LRRC27: variants seen among roughly 807,000 people sequenced by gnomAD.
The protein encoded by LRRC27 is leucine rich repeat containing 27.
A neutral mutation model predicts 55.0 loss-of-function variants in LRRC27; 57 were observed. The observed-to-expected ratio is 1.04, with a 90% CI of 0.84 to 1.29. The LOEUF (loss-of-function observed/expected upper bound fraction) is 1.29, where lower values mean the gene tolerates loss of function less well. Ranked by LOEUF, LRRC27 falls within the 50% of genes most tolerant of loss-of-function variation. The pLI, the probability that LRRC27 is intolerant of heterozygous loss-of-function variation, is 0.00. For synonymous variants in LRRC27, 278 were observed against 251.9 expected (o/e 1.10, Z -0.98); for missense variants, 721 against 651.5 (o/e 1.11, Z -1.16).
At position 132,364,482 on chromosome 10, in the gene LRRC27, C is replaced by CTT. The variant is rs1491423621; in HGVS notation, c.1290-942_1290-941insTT. Among the ~76,000 whole-genome samples, 20 of 147,480 alleles carry CTT rather than the reference C, an allele frequency of 1.4e-4. 3 individuals carry two copies. The highest frequency in any genetic ancestry group is 4.0e-4 in the East Asian group (2 of 5,056). On this transcript the variant is annotated intron_variant, in intron 9 of 10. Transcript: ENST00000368614. ...ACACCCACCCACACTTACACCCACC[C>CTT]ACACTTACACCCACCCTTACATCTA...
At chr10:132,334,348 G>A (rs1416721853) in intron 2 of LRRC27, among the ~76,000 whole-genome samples, 2 of 152,208 alleles carry the variant, frequency 1.3e-5, no homozygotes, top group Non-Finnish European at 2.9e-5. Context: ...CATTTATTGT[G>A]AAAATGAATA....
chr10:132,364,079 C>A (rs866746009), intron 9 of LRRC27, among the ~76,000 whole-genome samples: 1 of 152,036 alleles, frequency 6.6e-6, no homozygotes, highest in Non-Finnish European at 1.5e-5. Flanking sequence ...CCCCATCACC[C>A]TGGGCACAGT....
rs2069407054 is a variant in LRRC27 at position 132,381,241 on chromosome 10, T to G, written c.*5999T>G. Among the ~76,000 whole-genome samples, 1 of 152,256 alleles carries G rather than the reference T, an allele frequency of 6.6e-6. No homozygotes were observed. The highest frequency in any genetic ancestry group is 2.4e-5 in the African/African-American group (1 of 41,472). On this transcript the variant is annotated 3_prime_UTR_variant, in exon 11 of 11. Coordinates refer to ENST00000368614, the MANE Select transcript of LRRC27 (RefSeq NM_030626.3). ...TCTTCTGGCCTTCATCTCTCTCCCATGCTGGATGCTTCCTGCCCTTGAACA... is the reference window on the plus strand; with the variant it reads ...TCTTCTGGCCTTCATCTCTCTCCCAGGCTGGATGCTTCCTGCCCTTGAACA...
At chr10:132,338,866 T>C (rs2067256134) in intron 3 of LRRC27, among the ~76,000 whole-genome samples, 1 of 152,054 alleles carries the variant, frequency 6.6e-6, no homozygotes, top group African/African-American at 2.4e-5. Flanking sequence ...CCCGCCACCA[T>C]GCCCGGCTAA....
intron 4 of LRRC27, among the ~76,000 whole-genome samples, chr10:132,343,012 A>G (rs901631018): frequency 1.3e-5 from 2 of 152,246 alleles, no homozygotes; most frequent in African/African-American, 4.8e-5. Context: ...TCATTAGTTT[A>G]AAAGAACAGT....
chr10:132,333,829 C>G (rs755685132), intron 2 of LRRC27, 95 bp downstream of exon 2: 1 of 932,810 alleles, frequency 1.1e-6, no homozygotes, highest in Non-Finnish European at 1.6e-6. Context: ...GCTTCTTTCT[C>G]TTTGGAATTG....
In LRRC27 at chr10:132,347,966, G is replaced by A. The variant is rs550419885; in HGVS notation, c.554-18G>A. On this transcript the variant is annotated intron_variant, in intron 5 of 10. Transcript: ENST00000368614. ...TGGCGTTGATGGTAGCTACTAAAGC[G>A]GTTTCTTACTCTCCCAGAGGCTCCA... 15 of 1,573,324 alleles carry A rather than the reference G, an allele frequency of 9.5e-6. No individual in the cohort carries two copies. Among genetic ancestry groups the A allele is most frequent in the East Asian group, 2.2e-5 (1 of 44,492 alleles).
At position 132,348,234 on chromosome 10, in the gene LRRC27, G is replaced by T. The variant is rs763883097; in HGVS notation, c.804G>T (p.Glu268Asp). ...GGCGCTTTTGGAAGCTGAGGCAGGA[G>T]ATTGTTGAGCACGTGAAGGCAGACG... ...EIRRFWKLRQEIVEHVKADVL... is the reference protein window; with the variant it reads ...EIRRFWKLRQDIVEHVKADVL... Residue 268 changes from glutamate (E) to aspartate (D), a missense_variant, in exon 6 of 11, where the codon GAG becomes GAT. Transcript: ENST00000368614. The surrounding 1 kb of genome is among the most constrained non-coding windows in gnomAD (Gnocchi z 4.2). 1.9e-6 allele frequency: 3 copies of T among 1,614,086 alleles called. No homozygotes were observed. The highest frequency in any genetic ancestry group is 1.7e-6 in the Non-Finnish European group (2 of 1,180,048).
At chr10:132,373,437 C>T (rs144587602) in intron 10 of LRRC27, among the ~76,000 whole-genome samples, 2 of 152,222 alleles carry the variant, frequency 1.3e-5, no homozygotes, top group East Asian at 1.9e-4. Context: ...CAGAGCAGGA[C>T]GGACCCACGG....
chr10:132,376,971 A>G lies in LRRC27; in HGVS notation c.*1729A>G. 6.6e-6 allele frequency: 1 copy of G among 152,232 alleles called. No homozygotes were observed. Among genetic ancestry groups the G allele is most frequent in the East Asian group, 1.9e-4 (1 of 5,206 alleles). The allele number at this position is 152,232 out of a possible 1,614,324, so 9.4% of individuals were successfully genotyped here. On this transcript the variant is annotated 3_prime_UTR_variant, in exon 11 of 11. Coordinates refer to ENST00000368614, the MANE Select transcript of LRRC27 (RefSeq NM_030626.3). ...TATTTTGTCAGATGCCTACAAATTT[A>G]GGATTGTTTTATCTTCCTGTCGAAC...
chr10:132,362,809 G>A (rs1215042488), intron 9 of LRRC27, among the ~76,000 whole-genome samples: 3 of 144,250 alleles, frequency 2.1e-5, no homozygotes, highest in Admixed American at 6.9e-5. Context: ...TTGGGGGTCC[G>A]GGGTTCACCC....
At chr10:132,367,073 G>C in intron 10 of LRRC27, 1 of 936,916 alleles carries the variant, frequency 1.1e-6, no homozygotes, top group Non-Finnish European at 1.3e-6. Flanking sequence ...AAACATCTGT[G>C]TCTTAACCCA....
rs1564865612 is a variant in LRRC27 at position 132,380,993 on chromosome 10, A to T, written c.*5751A>T. On this transcript the variant is annotated 3_prime_UTR_variant, in exon 11 of 11. Coordinates refer to ENST00000368614, the MANE Select transcript of LRRC27 (RefSeq NM_030626.3). ...ATCTTGTATTGGGAATGCAGCTTTTATGTGGGTATAGGATTGCTGTGTGTG... is the reference window on the plus strand; with the variant it reads ...ATCTTGTATTGGGAATGCAGCTTTTTTGTGGGTATAGGATTGCTGTGTGTG... Among the ~76,000 whole-genome samples the T allele has an allele frequency of 6.6e-6, 1 of 152,216 alleles. No individual in the cohort carries two copies. The highest frequency in any genetic ancestry group is 2.4e-5 in the African/African-American group (1 of 41,460).
intron 3 of LRRC27, among the ~76,000 whole-genome samples, chr10:132,339,265 T>C (rs779630787): frequency 5.9e-5 from 9 of 152,200 alleles, no homozygotes; most frequent in Non-Finnish European, 1.3e-4. Flanking sequence ...GAATAGAGGC[T>C]TGTAGGAGGC....
In LRRC27 at chr10:132,375,326, C is replaced by T. The variant is rs978464059; in HGVS notation, c.*84C>T. The T allele has an allele frequency of 1.8e-5, 23 of 1,310,578 alleles. No homozygotes were observed. The highest frequency in any genetic ancestry group is 2.8e-5 in the South Asian group (2 of 71,680). 81.2% of individuals were successfully genotyped at this position (1,310,578 alleles called of 1,614,324 possible). A position where few individuals can be genotyped will look rare whatever the true frequency, so the allele number is the denominator to read the frequency against. ...CCGGGCGTCGCCTCCTGTGTGGTGC[C>T]GGAAGAGCGCCAGGTTCAGTGTTAC... On this transcript the variant is annotated 3_prime_UTR_variant, in exon 11 of 11. Coordinates refer to ENST00000368614, the MANE Select transcript of LRRC27 (RefSeq NM_030626.3).
intron 8 of LRRC27, among the ~76,000 whole-genome samples, chr10:132,360,098 C>G (rs2068541585): frequency 6.6e-6 from 1 of 151,916 alleles, no homozygotes; most frequent in Non-Finnish European, 1.5e-5. Context: ...AAAAAAACAC[C>G]CACTGGATTT....
At chr10:132,364,736 ATCTACCTCCACG>A (rs1564854791) in intron 9 of LRRC27, among the ~76,000 whole-genome samples, 59 of 78,562 alleles carry the variant, frequency 7.5e-4, no homozygotes, top group Non-Finnish European at 1.0e-3. Context: ...CCACACTTAC[ATCTACCTCCACG>A]CCCACACTTA....
At chr10:132,333,970 TCTTC>T (rs1275926512) in intron 2 of LRRC27, among the ~76,000 whole-genome samples, 2 of 152,258 alleles carry the variant, frequency 1.3e-5, no homozygotes, top group Admixed American at 1.3e-4. Flanking sequence ...GTGTCTGTTC[TCTTC>T]CTTGCAGTTC....
Position 132,351,580 on chromosome 10 carries a change from TC to T in LRRC27, c.927-26del, listed in dbSNP as rs751322122. On this transcript the variant is annotated intron_variant, in intron 6 of 10. Transcript: ENST00000368614. ...ACCGTCACAGGGTTTTGTTAAACAT[TC>T]AGCTAAAAACACTCTGTAATTTTAG... 11 of 1,601,112 alleles carry T rather than the reference TC, an allele frequency of 6.9e-6. No homozygotes were observed. The South Asian group carries it at 1.1e-4, about 16-fold the overall frequency.
Sources: allele counts gnomAD v4.1 joint callset (sites outside exome capture counted in the v4.1 genomes callset), GRCh38; gene constraint gnomAD v4.1.1; non-coding constraint Gnocchi (gnomAD v3.1); transcripts MANE v1.5; gene names NCBI Gene and HGNC (gene_info 2026-07-23, HGNC 2026-07-21).